The following ARPP21 variants were observed in gnomAD, a reference collection of about 807,000 sequenced individuals.
ARPP21 encodes the protein cAMP regulated phosphoprotein 21.
ARPP21 carries 69 observed loss-of-function variants against 113.2 expected under a neutral mutation model. That is an observed-to-expected ratio of 0.61 (90% CI 0.50 to 0.74). The LOEUF (loss-of-function observed/expected upper bound fraction) is 0.74, where lower values mean the gene tolerates loss of function less well. Among genes scored for constraint, ARPP21 ranks in the 30% least tolerant of loss-of-function variants. The probability of loss-of-function intolerance (pLI) is 0.00; values close to 1 mark genes in which losing one functional copy is unlikely to be tolerated. For missense variants in ARPP21, 1,070 were observed against 1,037.4 expected (o/e 1.03, Z -0.43); for synonymous variants, 368 against 375.5 (o/e 0.98, Z 0.23).
intron 11 of ARPP21, among the ~76,000 whole-genome samples, chr3:35,712,408 G>T (rs1199377714): frequency 3.3e-5 from 5 of 152,036 alleles, no homozygotes; most frequent in African/African-American, 1.2e-4. Flanking sequence ...AAAGTAGAAA[G>T]TTCAGAAATA....
Position 35,708,985 on chromosome 3 carries a change from C to A in ARPP21, c.812C>A (p.Pro271Gln). Residue 271 changes from proline (P) to glutamine (Q), a missense_variant, in exon 11 of 21, where the codon CCA (proline) becomes CAA (glutamine). Coordinates refer to ENST00000684406, the MANE Select transcript of ARPP21 (RefSeq NM_001385562.1). ...KEDNQQNRMH[P>Q]FRDDRRSKSI... ...TCTGTTCAGCAAAACAGAATGCATC[C>A]ATTTAGAGATGACAGACGAAGTAAA... The A allele has an allele frequency of 6.2e-7, 1 of 1,613,186 alleles. No homozygotes were observed.
At chr3:35,649,102 T>C (rs1404163692) in intron 1 of ARPP21, among the ~76,000 whole-genome samples, 2 of 152,224 alleles carry the variant, frequency 1.3e-5, no homozygotes, top group Non-Finnish European at 2.9e-5. Context: ...AGTATAGTGC[T>C]TGCATGTGGC....
chr3:35,789,765 C>T (rs1182387772), intron 19 of ARPP21, among the ~76,000 whole-genome samples: 2 of 152,182 alleles, frequency 1.3e-5, no homozygotes, highest in Non-Finnish European at 2.9e-5. Context: ...GCCACCCAAC[C>T]TGCCCACTCT....
intron 5 of ARPP21, chr3:35,685,547 GC>G: frequency 1.0e-6 from 1 of 984,978 alleles, no homozygotes; most frequent in Non-Finnish European, 1.2e-6. Flanking sequence ...GAGAACACTG[GC>G]AGATGTATAC....
At chr3:35,781,207 T>A (rs182037871) in intron 19 of ARPP21, among the ~76,000 whole-genome samples, 1 of 152,324 alleles carries the variant, frequency 6.6e-6, no homozygotes, top group African/African-American at 2.4e-5. Flanking sequence ...TTAAAAATAC[T>A]CATGGCTTCA....
chr3:35,697,081 T>G (rs886902489), intron 9 of ARPP21, among the ~76,000 whole-genome samples: 3 of 151,616 alleles, frequency 2.0e-5, no homozygotes, highest in African/African-American at 7.3e-5. Flanking sequence ...GAGAATCCCA[T>G]GTATTATCTG....
chr3:35,679,721 T>G (rs184655384), intron 1 of ARPP21, 66 bp from the exon 2 acceptor site: 4 of 152,094 alleles, frequency 2.6e-5, no homozygotes, highest in African/African-American at 9.7e-5. Context: ...CCCGTCTTAT[T>G]TATTTCATCC....
At chr3:35,749,177 T>A (rs2095305560) in intron 19 of ARPP21, among the ~76,000 whole-genome samples, 1 of 152,048 alleles carries the variant, frequency 6.6e-6, no homozygotes, top group Non-Finnish European at 1.5e-5. Flanking sequence ...AAGCAGAAAA[T>A]ATAAGAGCCT....
chr3:35,716,187 C>T (rs1291680595), intron 12 of ARPP21, among the ~76,000 whole-genome samples: 3 of 152,112 alleles, frequency 2.0e-5, no homozygotes. Flanking sequence ...ATTGCGGATA[C>T]TCAGGGCAAA....
intron 19 of ARPP21, among the ~76,000 whole-genome samples, chr3:35,760,957 T>C (rs761299776): frequency 1.6e-4 from 25 of 152,082 alleles, no homozygotes; most frequent in Non-Finnish European, 2.6e-4. Context: ...ATTTCTCTAG[T>C]CTCTTTCAAA....
chr3:35,674,014 G>T (rs1029469200), intron 1 of ARPP21, among the ~76,000 whole-genome samples: 1 of 151,912 alleles, frequency 6.6e-6, no homozygotes, highest in Admixed American at 6.6e-5. Context: ...CCATTAGAGA[G>T]TGTCTCCAAT....
intron 1 of ARPP21, among the ~76,000 whole-genome samples, chr3:35,675,942 T>C (rs1245162813): frequency 3.9e-5 from 6 of 151,922 alleles, no homozygotes; most frequent in African/African-American, 1.4e-4. Context: ...GAGGAAATTT[T>C]GTAAAGCAGA....
intron 13 of ARPP21, among the ~76,000 whole-genome samples, chr3:35,720,428 A>G (rs928339525): frequency 2.6e-5 from 4 of 152,216 alleles, no homozygotes; most frequent in Admixed American, 6.5e-5. Context: ...TCAATCACAT[A>G]GTGCACTTCA....
chr3:35,674,501 AT>A (rs1489808273), intron 1 of ARPP21, among the ~76,000 whole-genome samples: 1 of 151,820 alleles, frequency 6.6e-6, no homozygotes, highest in Admixed American at 6.6e-5. Flanking sequence ...ATGGATTGTA[AT>A]TAATTGTTCC....
intron 1 of ARPP21, among the ~76,000 whole-genome samples, chr3:35,649,925 G>T (rs1423742334): frequency 6.6e-6 from 1 of 152,096 alleles, no homozygotes; most frequent in Admixed American, 6.6e-5. Context: ...AATGAAATGA[G>T]TTTGCTTTCT....
At chr3:35,744,294 G>A (rs1417377183) in intron 19 of ARPP21, among the ~76,000 whole-genome samples, 1 of 150,744 alleles carries the variant, frequency 6.6e-6, no homozygotes, top group Non-Finnish European at 1.5e-5. Context: ...TTTTCAATTT[G>A]AAGAGAGTGC....
intron 19 of ARPP21, among the ~76,000 whole-genome samples, chr3:35,747,900 A>C (rs1457425716): frequency 6.6e-6 from 1 of 150,814 alleles, no homozygotes; most frequent in Non-Finnish European, 1.5e-5. Context: ...TGACAGAGCG[A>C]GGCCCTGTGA....
At chr3:35,671,787 A>G (rs2076397537) in intron 1 of ARPP21, among the ~76,000 whole-genome samples, 1 of 151,920 alleles carries the variant, frequency 6.6e-6, no homozygotes, top group Non-Finnish European at 1.5e-5. Flanking sequence ...AGAGAAAGAC[A>G]TTGCTTTATC....
At chr3:35,641,398 A>T (rs1698030307) in intron 1 of ARPP21, 1 of 152,232 alleles carries the variant, frequency 6.6e-6, no homozygotes, top group South Asian at 2.1e-4. Flanking sequence ...AGAGAAGTGG[A>T]GATGACAGGA....
Sources: allele counts gnomAD v4.1 joint callset (sites outside exome capture counted in the v4.1 genomes callset), GRCh38; gene constraint gnomAD v4.1.1; transcripts MANE v1.5; gene names NCBI Gene and HGNC (gene_info 2026-07-23, HGNC 2026-07-21).